The following GPR158 variants were observed in gnomAD, a reference collection of about 807,000 sequenced individuals.
The protein encoded by GPR158 is metabotropic glycine receptor.
A neutral mutation model predicts 78.2 loss-of-function variants in GPR158; 30 were observed. That is an observed-to-expected ratio of 0.38 (90% confidence interval 0.29 to 0.52). The LOEUF (loss-of-function observed/expected upper bound fraction) is 0.52. Among genes scored for constraint, GPR158 ranks in the 20% least tolerant of loss-of-function variants. GPR158 has a pLI of 0.83. For missense variants in GPR158, 1,463 were observed against 1,523.5 expected (o/e 0.96, Z 0.66); for synonymous variants, 581 against 591.1 (o/e 0.98, Z 0.25).
chr10:25,307,231 T>C (rs1046774291), intron 2 of GPR158, among the ~76,000 whole-genome samples: 1 of 152,054 alleles, frequency 6.6e-6, no homozygotes, highest in Non-Finnish European at 1.5e-5. Context: ...ATAGTGTTTT[T>C]TTTTTGCATT....
At chr10:25,354,700 C>G (rs1360817756) in intron 2 of GPR158, among the ~76,000 whole-genome samples, 1 of 151,966 alleles carries the variant, frequency 6.6e-6, no homozygotes, top group Non-Finnish European at 1.5e-5. Context: ...AGCATCTTTT[C>G]TTTCAGACTG....
chr10:25,371,528 A>G (rs1833993420), intron 2 of GPR158, among the ~76,000 whole-genome samples: 1 of 151,092 alleles, frequency 6.6e-6, no homozygotes, highest in African/African-American at 2.4e-5. Context: ...ATGGAACAGA[A>G]CAGAGCCCTC....
chr10:25,335,569 T>C (rs1260393528), intron 2 of GPR158, among the ~76,000 whole-genome samples: 1 of 152,058 alleles, frequency 6.6e-6, no homozygotes, highest in East Asian at 1.9e-4. Context: ...TTTTGTGTTT[T>C]GTCCAGTAAC....
At chr10:25,540,774 A>ACACACC (rs1372890549) in intron 5 of GPR158, among the ~76,000 whole-genome samples, 1 of 150,938 alleles carries the variant, frequency 6.6e-6, no homozygotes, top group African/African-American at 2.4e-5. Flanking sequence ...GGGGAACATC[A>ACACACC]CACACCGGGG....
intron 2 of GPR158, among the ~76,000 whole-genome samples, chr10:25,269,113 C>A (rs2130741033): frequency 6.6e-6 from 1 of 152,250 alleles, no homozygotes; most frequent in Middle Eastern, 3.4e-3. Flanking sequence ...ATGGTTAACA[C>A]TTCATTCAGT....
At chr10:25,369,450 G>C (rs1288111082) in intron 2 of GPR158, among the ~76,000 whole-genome samples, 23 of 147,932 alleles carry the variant, frequency 1.6e-4, no homozygotes, top group African/African-American at 5.3e-4. Flanking sequence ...CTTTGGCTCT[G>C]TTTATATGCT....
intron 5 of GPR158, among the ~76,000 whole-genome samples, chr10:25,508,654 G>A (rs1355929355): frequency 6.6e-6 from 1 of 152,132 alleles, no homozygotes; most frequent in Non-Finnish European, 1.5e-5. Flanking sequence ...CACAAGTCGG[G>A]GGTAGGGGAA....
intron 1 of GPR158, among the ~76,000 whole-genome samples, chr10:25,212,530 C>T (rs1055111379): frequency 4.6e-5 from 7 of 151,284 alleles, no homozygotes; most frequent in South Asian, 4.2e-4. Flanking sequence ...TATGTTTCTC[C>T]GTTAATTCAG....
chr10:25,219,652 T>G (rs1853270563), intron 1 of GPR158, among the ~76,000 whole-genome samples: 2 of 152,146 alleles, frequency 1.3e-5, no homozygotes, highest in Non-Finnish European at 2.9e-5. Flanking sequence ...AGGCACTAGG[T>G]AATGTAGTAC....
chr10:25,396,985 C>T (rs824594), intron 3 of GPR158, among the ~76,000 whole-genome samples: 102,246 of 151,866 alleles, frequency 0.67, 35,806 homozygotes, highest in Non-Finnish European at 0.8. Flanking sequence ...GACCTAGCTA[C>T]GTTACCCTTT....
chr10:25,311,828 A>AT (rs1266584765), intron 2 of GPR158, among the ~76,000 whole-genome samples: 6 of 151,804 alleles, frequency 4.0e-5, no homozygotes, highest in African/African-American at 7.2e-5. Flanking sequence ...ACAGTTAAGA[A>AT]TTTTTTTAAC....
chr10:25,320,801 G>A (rs931799305), intron 2 of GPR158, among the ~76,000 whole-genome samples: 2 of 152,170 alleles, frequency 1.3e-5, no homozygotes, highest in African/African-American at 4.8e-5. Context: ...CACCCTAGCA[G>A]GAGTTTTTAT....
intron 1 of GPR158, among the ~76,000 whole-genome samples, chr10:25,195,503 G>T (rs933690986): frequency 6.6e-6 from 1 of 152,074 alleles, no homozygotes; most frequent in African/African-American, 2.4e-5. Context: ...ACCACACCCC[G>T]CCAGCCCAAC....
At chr10:25,571,527 G>C (rs928134576) in intron 6 of GPR158, among the ~76,000 whole-genome samples, 1 of 152,174 alleles carries the variant, frequency 6.6e-6, no homozygotes, top group Non-Finnish European at 1.5e-5. Context: ...AGAACATTGA[G>C]AAAATGTGTT....
At chr10:25,197,051 TCTC>T (rs932264642) in intron 1 of GPR158, among the ~76,000 whole-genome samples, 4 of 152,198 alleles carry the variant, frequency 2.6e-5, no homozygotes, top group African/African-American at 9.7e-5. Flanking sequence ...GTCAGGTACT[TCTC>T]CTCACTGTAC....
chr10:25,424,235 T>A (rs1386528734), intron 4 of GPR158, among the ~76,000 whole-genome samples: 1 of 152,096 alleles, frequency 6.6e-6, no homozygotes, highest in African/African-American at 2.4e-5. Flanking sequence ...GGTTGTTTGA[T>A]TTTTTCTTGT....
chr10:25,334,808 G>A (rs892887890), intron 2 of GPR158, among the ~76,000 whole-genome samples: 19 of 141,936 alleles, frequency 1.3e-4, no homozygotes, highest in African/African-American at 5.8e-4. Flanking sequence ...AATATGAAAT[G>A]AGATTTTTGC....
At chr10:25,338,315 T>A (rs1301604303) in intron 2 of GPR158, among the ~76,000 whole-genome samples, 1 of 149,308 alleles carries the variant, frequency 6.7e-6, no homozygotes. Context: ...TATTTCTGTA[T>A]AAATTCTGTT....
chr10:25,359,635 C>T (rs1162531028), intron 2 of GPR158, among the ~76,000 whole-genome samples: 8 of 152,104 alleles, frequency 5.3e-5, no homozygotes, highest in Non-Finnish European at 1.0e-4. Flanking sequence ...ATACGTGCCA[C>T]GTTTTCTTTA....
Sources: gnomAD v4.1 joint callset for allele counts (sites outside exome capture counted in the v4.1 genomes callset) on GRCh38, gnomAD v4.1.1 for gene constraint, MANE v1.5 for transcripts, NCBI Gene and HGNC (gene_info 2026-07-23, HGNC 2026-07-21) for gene names.